The following DNAH14 variants were observed in gnomAD, a reference collection of about 807,000 sequenced individuals.
The protein encoded by DNAH14 is dynein axonemal heavy chain 14, also known as axonemal beta dynein heavy chain 14.
In DNAH14, 478 loss-of-function variants were observed where a neutral mutation model predicts 520.9. The ratio of observed to expected loss-of-function variants is 0.92; its 90% CI spans 0.85 to 0.99. DNAH14 has a LOEUF of 0.99. Among genes scored for constraint, DNAH14 ranks in the 50% least tolerant of loss-of-function variants. The probability of loss-of-function intolerance (pLI) is 0.00; values close to 1 mark genes in which losing one functional copy is unlikely to be tolerated. For synonymous variants in DNAH14, 1,581 were observed against 1,757.2 expected (o/e 0.90, Z 2.51); for missense variants, 4,831 against 5,234.5 (o/e 0.92, Z 2.38).
chr1:225,044,234 C>T (rs751326049), intron 15 of DNAH14, among the ~76,000 whole-genome samples: 2 of 152,090 alleles, frequency 1.3e-5, no homozygotes, highest in South Asian at 4.1e-4. Flanking sequence ...TTTTCAGTTA[C>T]ATTCTATAGA....
chr1:225,361,921 CTT>C (rs1282424645), intron 75 of DNAH14, among the ~76,000 whole-genome samples: 2 of 152,156 alleles, frequency 1.3e-5, no homozygotes, highest in African/African-American at 2.4e-5. Flanking sequence ...TATTTCATGA[CTT>C]AAGAGAATCA....
intron 2 of DNAH14, 112 bp from the exon 3 acceptor site, chr1:224,954,846 TA>T: frequency 1.3e-6 from 1 of 742,022 alleles, no homozygotes; most frequent in Non-Finnish European, 2.2e-6. Flanking sequence ...TTATTAAACC[TA>T]AGAAGCTGTT....
intron 17 of DNAH14, among the ~76,000 whole-genome samples, chr1:225,066,549 A>T (rs139953147): frequency 6.6e-6 from 1 of 151,848 alleles, no homozygotes; most frequent in Non-Finnish European, 1.5e-5. Context: ...TATTGGTTAC[A>T]TGGATAAGTT....
intron 55 of DNAH14, among the ~76,000 whole-genome samples, chr1:225,291,006 A>T (rs185458291): frequency 6.6e-6 from 1 of 151,688 alleles, no homozygotes; most frequent in Non-Finnish European, 1.5e-5. Flanking sequence ...CCCTTAAAAA[A>T]TCCCTCCCTA....
intron 35 of DNAH14, 38 bp downstream of exon 35, chr1:225,159,523 A>T: frequency 6.9e-7 from 1 of 1,456,658 alleles, no homozygotes; most frequent in Middle Eastern, 2.1e-4. Context: ...AATTATTTGG[A>T]TGTGGAATAT....
intron 7 of DNAH14, among the ~76,000 whole-genome samples, chr1:224,970,483 G>A (rs181198180): frequency 3.2e-4 from 48 of 152,010 alleles, no homozygotes; most frequent in Admixed American, 2.5e-3. Flanking sequence ...CACCCTATTC[G>A]TACACTCCCT....
At chr1:225,278,177 A>C (rs996322212) in intron 54 of DNAH14, among the ~76,000 whole-genome samples, 1 of 152,280 alleles carries the variant, frequency 6.6e-6, no homozygotes, top group East Asian at 1.9e-4. Context: ...ATTAAAAGGA[A>C]CTAAAAACTG....
chr1:224,947,589 T>A (rs1398149832), intron 1 of DNAH14, among the ~76,000 whole-genome samples: 1 of 152,130 alleles, frequency 6.6e-6, no homozygotes, highest in Non-Finnish European at 1.5e-5. Flanking sequence ...TTAGTATTAT[T>A]CTACTTTGGA....
chr1:225,079,635 C>T (rs2072859467), intron 18 of DNAH14, 87 bp downstream of exon 18: 2 of 902,404 alleles, frequency 2.2e-6, no homozygotes, highest in Non-Finnish European at 1.6e-6. Flanking sequence ...TATTTGCTTT[C>T]AGTGGAATTT....
intron 17 of DNAH14, among the ~76,000 whole-genome samples, chr1:225,064,014 C>T (rs2070535565): frequency 6.6e-6 from 1 of 151,978 alleles, no homozygotes; most frequent in South Asian, 2.1e-4. Flanking sequence ...AGAAAAATCT[C>T]TTTGGATTTT....
intron 23 of DNAH14, among the ~76,000 whole-genome samples, chr1:225,117,011 T>C (rs896220983): frequency 6.6e-6 from 1 of 152,102 alleles, no homozygotes; most frequent in Non-Finnish European, 1.5e-5. Flanking sequence ...GGGCTTCTTA[T>C]ATTGTTATAA....
At position 225,217,796 on chromosome 1, in the gene DNAH14, C is replaced by T. The variant is rs141011899; in HGVS notation, c.6439+10576C>T. On this transcript the variant is annotated intron_variant, in intron 41 of 85. Coordinates refer to ENST00000682510, the MANE Select transcript of DNAH14 (RefSeq NM_001367479.1). ...AGTGTCCCGATTTTCCAGGTACCGT[C>T]TGTCACGGCTTCCCTTTGCTAGGAA... is the stretch of plus-strand genomic sequence containing the variant. Among the ~76,000 whole-genome samples the T allele has an allele frequency of 3.7e-3, 567 of 152,262 alleles. 4 individuals carry two copies. The highest frequency in any genetic ancestry group is 0.013 in the African/African-American group (521 of 41,572).
rs563036233 is a variant in DNAH14 at position 225,332,505 on chromosome 1, AC to A, written c.9865-782del. Among the ~76,000 whole-genome samples the A allele has an allele frequency of 1.5e-3, 221 of 152,130 alleles. 2 individuals are homozygous for A. Among genetic ancestry groups the A allele is most frequent in the African/African-American group, 5.1e-3 (211 of 41,488 alleles). On this transcript the variant is annotated intron_variant, in intron 65 of 85. Transcript: ENST00000682510. ...GAATATGGGTTCAGATCCCAGCTAC[AC>A]CCCTTAGAAGCTTAGTGATCTTGAC...
At chr1:225,256,913 A>G (rs1443922234) in intron 44 of DNAH14, among the ~76,000 whole-genome samples, 1 of 152,146 alleles carries the variant, frequency 6.6e-6, no homozygotes, top group Non-Finnish European at 1.5e-5. Flanking sequence ...TAAAAAAAAA[A>G]CAGATAAAGA....
At chr1:225,237,487 C>T (rs528207762) in intron 42 of DNAH14, among the ~76,000 whole-genome samples, 8 of 152,322 alleles carry the variant, frequency 5.3e-5, no homozygotes, top group African/African-American at 1.9e-4. Context: ...TACTGTTAGT[C>T]TGATGTGCTT....
rs555158836 is a variant in DNAH14 at position 225,198,936 on chromosome 1, C to T, written c.5887-5247C>T. Among the ~76,000 whole-genome samples the T allele has an allele frequency of 2.0e-3, 298 of 152,228 alleles. 2 individuals carry two copies. The highest frequency in any genetic ancestry group is 6.9e-3 in the African/African-American group (287 of 41,554). ...AGATTGCTACCAATTCTTCTTTGAA[C>T]GTCTGGTAGAATTCTGCCACGAATC... On this transcript the variant is annotated intron_variant, in intron 38 of 85. Coordinates refer to ENST00000682510, the MANE Select transcript of DNAH14 (RefSeq NM_001367479.1).
At chr1:225,321,168 A>G (rs2094549348) in intron 61 of DNAH14, among the ~76,000 whole-genome samples, 1 of 152,238 alleles carries the variant, frequency 6.6e-6, no homozygotes, top group Non-Finnish European at 1.5e-5. Context: ...TTCAAATGTG[A>G]AGATGATCTT....
At chr1:225,157,057 C>T (rs1412187101) in intron 34 of DNAH14, among the ~76,000 whole-genome samples, 2 of 152,178 alleles carry the variant, frequency 1.3e-5, no homozygotes, top group Non-Finnish European at 1.5e-5. Flanking sequence ...AAATAATATT[C>T]AGATTCTGGG....
chr1:225,117,948 C>T lies in DNAH14; in HGVS notation c.4040C>T (p.Pro1347Leu). The T allele has an allele frequency of 6.4e-7, 1 of 1,551,526 alleles. No individual in the cohort carries two copies. The highest frequency in any genetic ancestry group is 8.7e-7 in the Non-Finnish European group (1 of 1,146,880). The change falls in exon 25 of 86, where the codon CCT becomes CTT. Residue 1347 changes from proline to leucine, a missense_variant. Pro to Leu is a moderately conservative substitution (Grantham distance 98). Transcript: ENST00000682510. ...LLIWKQDIGPPAVKMLISAEG... is the reference protein window; with the variant it reads ...LLIWKQDIGPLAVKMLISAEG... ...ATATGGAAACAAGACATTGGCCCTCCTGCTGTAAAAATGCTAATATCTGCT... is the reference window on the plus strand; with the variant it reads ...ATATGGAAACAAGACATTGGCCCTCTTGCTGTAAAAATGCTAATATCTGCT...
Sources: allele counts gnomAD v4.1 joint callset (sites outside exome capture counted in the v4.1 genomes callset), GRCh38; gene constraint gnomAD v4.1.1; transcripts MANE v1.5; gene names NCBI Gene and HGNC (gene_info 2026-07-23, HGNC 2026-07-21).